The following CNTN4 variants were observed in gnomAD, a reference collection of about 807,000 sequenced individuals.
CNTN4 encodes the protein contactin 4.
CNTN4 carries 77 observed loss-of-function variants against 122.5 expected under a neutral mutation model. The ratio of observed to expected loss-of-function variants is 0.63; its 90% CI spans 0.52 to 0.76. The LOEUF (loss-of-function observed/expected upper bound fraction) is 0.76, where lower values mean the gene tolerates loss of function less well. CNTN4 is among the 30% of genes least tolerant of loss of function. The pLI, the probability that CNTN4 is intolerant of heterozygous loss-of-function variation, is 0.00. For missense variants in CNTN4, 1,256 were observed against 1,259.1 expected, an observed-to-expected ratio of 1.00 and a Z score of 0.04; for synonymous variants, 512 against 447.0, an observed-to-expected ratio of 1.15 and a Z score of -1.83.
chr3:3,038,644 G>A (rs919114893), intron 18 of CNTN4, among the ~76,000 whole-genome samples: 2 of 152,260 alleles, frequency 1.3e-5, no homozygotes, highest in East Asian at 3.9e-4. Context: ...TCCTCCCTTC[G>A]GGAACCCCTC....
intron 4 of CNTN4, among the ~76,000 whole-genome samples, chr3:2,664,198 A>T (rs920935212): frequency 6.6e-6 from 1 of 152,222 alleles, no homozygotes; most frequent in African/African-American, 2.4e-5. Context: ...ATCAGTTAAG[A>T]AAACCAAAAA....
chr3:2,133,392 T>C (rs906648677), intron 2 of CNTN4, among the ~76,000 whole-genome samples: 1 of 152,158 alleles, frequency 6.6e-6, no homozygotes, highest in Non-Finnish European at 1.5e-5. Flanking sequence ...ATAAAATGCA[T>C]GGAGGTGCCT....
chr3:2,470,191 C>T (rs926327059), intron 3 of CNTN4, among the ~76,000 whole-genome samples: 1 of 152,040 alleles, frequency 6.6e-6, no homozygotes, highest in Non-Finnish European at 1.5e-5. Flanking sequence ...ATTCTTCTGC[C>T]TCAGCATCCT....
chr3:2,519,635 G>A (rs1007523093), intron 3 of CNTN4, among the ~76,000 whole-genome samples: 2 of 152,208 alleles, frequency 1.3e-5, no homozygotes, highest in Non-Finnish European at 2.9e-5. Flanking sequence ...CCAGTTGTCA[G>A]GCAATAGGGA....
intron 14 of CNTN4, chr3:2,999,068 C>T (rs1480347296): frequency 1.3e-5 from 2 of 152,166 alleles, no homozygotes; most frequent in Non-Finnish European, 2.9e-5. Context: ...AGGCTGTATT[C>T]AATCCATATC....
chr3:2,176,691 T>C (rs41400248), intron 2 of CNTN4, among the ~76,000 whole-genome samples: 9,182 of 152,134 alleles, frequency 0.06, 592 homozygotes, highest in East Asian at 0.36. Flanking sequence ...TGGACCAAGA[T>C]TATCACTTTT....
rs1202145986 is a variant in CNTN4 at position 2,185,517 on chromosome 3, A to G, written c.-145+84878A>G. Among the ~76,000 whole-genome samples, 10 of 152,084 alleles carry G rather than the reference A, an allele frequency of 6.6e-5. 1 individual carries two copies. On this transcript the variant is annotated intron_variant, in intron 2 of 24. Transcript: ENST00000418658. ...GGCACTTTCCATATGCTCTAAGTGG[A>G]TCTATAAAACATGGGAAGGTGCCAT...
At chr3:2,392,903 T>C (rs1430745507) in intron 3 of CNTN4, among the ~76,000 whole-genome samples, 1 of 152,176 alleles carries the variant, frequency 6.6e-6, no homozygotes, top group Non-Finnish European at 1.5e-5. Flanking sequence ...TAAAACTTCG[T>C]ACGTTTACCT....
chr3:2,439,202 G>A (rs922458777), intron 3 of CNTN4, among the ~76,000 whole-genome samples: 2 of 152,118 alleles, frequency 1.3e-5, no homozygotes, highest in Admixed American at 6.5e-5. Flanking sequence ...CAAAGTGTGG[G>A]CTCCTGACCA....
chr3:2,663,606 G>A (rs150069161), intron 4 of CNTN4, among the ~76,000 whole-genome samples: 1 of 152,266 alleles, frequency 6.6e-6, no homozygotes, highest in Non-Finnish European at 1.5e-5. Context: ...AAAGAAAATC[G>A]AGGCATGCAG....
chr3:2,291,755 A>C (rs968479196), intron 2 of CNTN4, among the ~76,000 whole-genome samples: 1 of 151,822 alleles, frequency 6.6e-6, no homozygotes, highest in African/African-American at 2.4e-5. Flanking sequence ...TTTTTTTGAG[A>C]TAGAGTCTCG....
At chr3:2,821,292 C>G (rs1032039341) in intron 7 of CNTN4, among the ~76,000 whole-genome samples, 11 of 152,106 alleles carry the variant, frequency 7.2e-5, no homozygotes, top group Non-Finnish European at 1.2e-4. Context: ...CAATCTAAAG[C>G]TAGCACAGCT....
At chr3:3,010,401 C>T (rs1697107693) in intron 14 of CNTN4, among the ~76,000 whole-genome samples, 1 of 151,348 alleles carries the variant, frequency 6.6e-6, no homozygotes, top group Non-Finnish European at 1.5e-5. Context: ...CATCCAGTTG[C>T]TTTCCAGTAT....
intron 3 of CNTN4, among the ~76,000 whole-genome samples, chr3:2,430,326 G>A (rs971627475): frequency 6.6e-5 from 10 of 151,514 alleles, no homozygotes; most frequent in African/African-American, 2.2e-4. Context: ...GGAGGCTGAG[G>A]CAGGAGAATG....
At chr3:2,983,297 T>C (rs1694234078) in intron 13 of CNTN4, among the ~76,000 whole-genome samples, 1 of 131,548 alleles carries the variant, frequency 7.6e-6, no homozygotes, top group Non-Finnish European at 1.6e-5. Flanking sequence ...TAAAGAACTA[T>C]GAATAAATGG....
chr3:2,232,124 T>C (rs1485192276), intron 2 of CNTN4, among the ~76,000 whole-genome samples: 1 of 152,126 alleles, frequency 6.6e-6, no homozygotes, highest in Admixed American at 6.5e-5. Flanking sequence ...TTTCCTAAAA[T>C]GACTTGATCA....
intron 2 of CNTN4, among the ~76,000 whole-genome samples, chr3:2,332,802 A>T (rs908704433): frequency 1.3e-5 from 2 of 151,614 alleles, no homozygotes; most frequent in African/African-American, 4.9e-5. Context: ...TGGGTGCAGC[A>T]CACCAGCATG....
At chr3:2,329,949 T>A (rs535633191) in intron 2 of CNTN4, among the ~76,000 whole-genome samples, 1 of 152,276 alleles carries the variant, frequency 6.6e-6, no homozygotes, top group South Asian at 2.1e-4. Context: ...ATAGTTATGA[T>A]TCCATTTAAT....
At chr3:2,641,826 T>C (rs2082908030) in intron 4 of CNTN4, among the ~76,000 whole-genome samples, 1 of 152,248 alleles carries the variant, frequency 6.6e-6, no homozygotes, top group South Asian at 2.1e-4. Context: ...TGATAGCCTG[T>C]ATTGACAGAT....
Sources: gnomAD v4.1 joint callset for allele counts (sites outside exome capture counted in the v4.1 genomes callset) on GRCh38, gnomAD v4.1.1 for gene constraint, MANE v1.5 for transcripts, NCBI Gene and HGNC (gene_info 2026-07-23, HGNC 2026-07-21) for gene names.